The following CMIP variants were observed in gnomAD, a reference collection of about 807,000 sequenced individuals.
The protein encoded by CMIP is C-Maf-inducing protein.
CMIP carries 13 observed loss-of-function variants against 97.3 expected under a neutral mutation model. The observed-to-expected ratio is 0.13, with a 90% CI of 0.09 to 0.21. CMIP has a LOEUF of 0.21. Among genes scored for constraint, CMIP ranks in the 10% least tolerant of loss-of-function variants. CMIP has a pLI of 1.00. For missense variants in CMIP, 847 were observed against 1,024.9 expected, an observed-to-expected ratio of 0.83 and a Z score of 2.37; for synonymous variants, 538 against 436.3, an observed-to-expected ratio of 1.23 and a Z score of -2.91.
chr16:81,626,635 T>C (rs1178688019), intron 3 of CMIP, among the ~76,000 whole-genome samples: 1 of 136,646 alleles, frequency 7.3e-6, no homozygotes, highest in African/African-American at 2.8e-5. Flanking sequence ...TGTGGGTGGC[T>C]TATGAGTGTG....
chr16:81,639,919 G>A (rs1044650561), intron 3 of CMIP, among the ~76,000 whole-genome samples: 5 of 152,194 alleles, frequency 3.3e-5, no homozygotes, highest in African/African-American at 1.2e-4. Context: ...ACAGGGCCCA[G>A]TACATAGGAA....
chr16:81,570,136 T>G (rs999110468), intron 1 of CMIP, among the ~76,000 whole-genome samples: 2 of 152,190 alleles, frequency 1.3e-5, no homozygotes, highest in African/African-American at 4.8e-5. Flanking sequence ...TCTGGATCCT[T>G]GTTTGCTGTG....
At chr16:81,693,287 C>T (rs529918756) in intron 12 of CMIP, 103 bp downstream of exon 12, 23 of 1,404,974 alleles carry the variant, frequency 1.6e-5, no homozygotes, top group South Asian at 9.7e-5. Context: ...GTGGTGGCTC[C>T]TCTTGGCAGT....
At chr16:81,597,754 A>C (rs1197597085) in intron 1 of CMIP, among the ~76,000 whole-genome samples, 2 of 152,080 alleles carry the variant, frequency 1.3e-5, no homozygotes, top group African/African-American at 4.8e-5. Context: ...CTTGTTGGAC[A>C]CTCAACTGTC....
chr16:81,691,185 G>A (rs896231885), intron 10 of CMIP, among the ~76,000 whole-genome samples: 7 of 152,086 alleles, frequency 4.6e-5, no homozygotes, highest in African/African-American at 9.7e-5. Context: ...CTCTCAGTTC[G>A]GGAAGGCACA....
At chr16:81,518,297 G>C (rs1053377282) in intron 1 of CMIP, 15 of 152,256 alleles carry the variant, frequency 9.9e-5, no homozygotes, top group African/African-American at 3.6e-4. Flanking sequence ...GGCCCACCGG[G>C]CTTGTTGACA....
At chr16:81,658,520 A>G (rs1027920715) in intron 5 of CMIP, among the ~76,000 whole-genome samples, 7 of 152,248 alleles carry the variant, frequency 4.6e-5, no homozygotes, top group African/African-American at 1.4e-4. Context: ...CCCCTGGGAA[A>G]GGAGCCAGAA....
chr16:81,667,799 A>AGAGTGTGTGTGTGTGTGT, intron 7 of CMIP, among the ~76,000 whole-genome samples: 2 of 58,094 alleles, frequency 3.4e-5, no homozygotes, highest in African/African-American at 7.0e-5. Flanking sequence ...AGAGAGAGAG[A>AGAGTGTGTGTGTGTGTGT]GTGTGTGTGT....
chr16:81,557,433 T>C (rs1237247882), intron 1 of CMIP, among the ~76,000 whole-genome samples: 1 of 152,266 alleles, frequency 6.6e-6, no homozygotes, highest in Non-Finnish European at 1.5e-5. Flanking sequence ...TCGTTCTTTT[T>C]TTCTAATTGA....
chr16:81,574,915 A>G (rs2091162860), intron 1 of CMIP, among the ~76,000 whole-genome samples: 1 of 152,286 alleles, frequency 6.6e-6, no homozygotes. Flanking sequence ...TGCTCACGAA[A>G]TGGTTGCTGG....
intron 9 of CMIP, among the ~76,000 whole-genome samples, chr16:81,675,645 A>T (rs772574415): frequency 6.6e-6 from 1 of 152,192 alleles, no homozygotes; most frequent in African/African-American, 2.4e-5. Flanking sequence ...AACAAACTCC[A>T]CAAGTCATTC....
intron 1 of CMIP, among the ~76,000 whole-genome samples, chr16:81,525,977 CGT>C (rs57103908): frequency 0.11 from 17,229 of 149,952 alleles, 1,129 homozygotes; most frequent in East Asian, 0.24. Context: ...ACTAATAATA[CGT>C]GTGTGTGTGT....
At chr16:81,699,861 G>A (rs1038420617) in intron 15 of CMIP, 60 bp downstream of exon 15, 9 of 1,188,042 alleles carry the variant, frequency 7.6e-6, no homozygotes, top group South Asian at 3.9e-5. Context: ...TGTCCGTGCC[G>A]ATAGAGCATC....
intron 18 of CMIP, 140 bp from the exon 19 acceptor site, chr16:81,705,359 G>A: frequency 1.6e-6 from 1 of 614,774 alleles, no homozygotes; most frequent in Non-Finnish European, 2.9e-6. Context: ...CGTGAACGCA[G>A]CCCAGACCCC....
At chr16:81,557,954 C>G (rs1332070137) in intron 1 of CMIP, among the ~76,000 whole-genome samples, 1 of 152,150 alleles carries the variant, frequency 6.6e-6, no homozygotes, top group Non-Finnish European at 1.5e-5. Flanking sequence ...CTCCCCATTC[C>G]CCTCCCCGAG....
intron 10 of CMIP, chr16:81,691,574 C>T: frequency 1.6e-6 from 1 of 612,162 alleles, no homozygotes; most frequent in Non-Finnish European, 2.9e-6. Context: ...GAAGTCTCTG[C>T]ACAGGCCCAG....
chr16:81,500,345 CCCTCTCTCCTTTCCTCCCTT>C (rs200997027), intron 1 of CMIP, among the ~76,000 whole-genome samples: 1,288 of 100,938 alleles, frequency 0.013, 41 homozygotes, highest in South Asian at 0.02. Flanking sequence ...CTCCCTCCCT[CCCTCTCTCCTTTCCTCCCTT>C]CCTCTCTCCT....
chr16:81,576,297 G>A (rs764785779), intron 1 of CMIP, among the ~76,000 whole-genome samples: 8 of 151,996 alleles, frequency 5.3e-5, no homozygotes, highest in Admixed American at 2.0e-4. Context: ...CTAGCTACTC[G>A]GGAGGCTGAT....
chr16:81,508,526 G>T (rs2089752023), intron 1 of CMIP, among the ~76,000 whole-genome samples: 1 of 152,132 alleles, frequency 6.6e-6, no homozygotes, highest in African/African-American at 2.4e-5. Flanking sequence ...GGCTGTTTTT[G>T]CAGCCTTTTA....
Sources: allele counts gnomAD v4.1 joint callset (sites outside exome capture counted in the v4.1 genomes callset), GRCh38; gene constraint gnomAD v4.1.1; transcripts MANE v1.5; gene names NCBI Gene and HGNC (gene_info 2026-07-23, HGNC 2026-07-21).